Variants in RANBP2 observed in about 807,000 individuals in gnomAD.
RANBP2 encodes the protein RAN binding protein 2.
A neutral mutation model predicts 303.6 loss-of-function variants in RANBP2; 57 were observed. That is an observed-to-expected ratio of 0.19 (90% CI 0.15 to 0.23). RANBP2 has a LOEUF of 0.23. RANBP2 is among the 10% of genes least tolerant of loss of function. The probability of loss-of-function intolerance (pLI) is 1.00; values close to 1 mark genes in which losing one functional copy is unlikely to be tolerated. For missense variants in RANBP2, 3,138 were observed against 3,780.8 expected, an observed-to-expected ratio of 0.83 and a Z score of 4.46; for synonymous variants, 1,167 against 1,301.5, an observed-to-expected ratio of 0.90 and a Z score of 2.23.
chr2:109,320,881 A>G, the RANBP2 span, among the ~76,000 whole-genome samples: 1 of 152,300 alleles, frequency 6.6e-6, no homozygotes, highest in South Asian at 2.1e-4. Flanking sequence ...CTGCCCTACG[A>G]TACTCATCAC....
the RANBP2 span, among the ~76,000 whole-genome samples, chr2:109,429,298 C>G: frequency 2.6e-5 from 4 of 152,112 alleles, no homozygotes; most frequent in Non-Finnish European, 5.9e-5. Context: ...TTGGTGTCCC[C>G]TACGAGGCAC....
the RANBP2 span, chr2:109,545,161 C>A: frequency 1.0e-6 from 1 of 984,694 alleles, no homozygotes; most frequent in African/African-American, 1.7e-5. Flanking sequence ...GCATGCAACG[C>A]TGCTAGCACA....
chr2:109,701,587 A>G, the RANBP2 span, among the ~76,000 whole-genome samples: 1 of 152,106 alleles, frequency 6.6e-6, no homozygotes. Flanking sequence ...GCATTTTTAC[A>G]TAAACAATAG....
At chr2:108,893,894 A>G in the RANBP2 span, among the ~76,000 whole-genome samples, 5 of 152,302 alleles carry the variant, frequency 3.3e-5, no homozygotes, top group African/African-American at 4.8e-5. Context: ...TACCTCTTCA[A>G]AAACACGCAT....
the RANBP2 span, among the ~76,000 whole-genome samples, chr2:109,497,163 A>G: frequency 8.5e-5 from 13 of 152,226 alleles, no homozygotes; most frequent in African/African-American, 3.1e-4. Flanking sequence ...CATTCGTTAT[A>G]GCCATAAACA....
chr2:108,788,099 T>C (rs1558956468), downstream of RANBP2: 1 of 1,603,248 alleles, frequency 6.2e-7, no homozygotes, highest in South Asian at 1.1e-5. Flanking sequence ...GGTAAGCCGG[T>C]ATTTTGTATA....
chr2:109,613,409 G>A, the RANBP2 span: 4 of 324,776 alleles, frequency 1.2e-5, no homozygotes, highest in Non-Finnish European at 2.5e-5. Flanking sequence ...AGGGAGGCTC[G>A]GAAGTGCTCA....
the RANBP2 span, among the ~76,000 whole-genome samples, chr2:109,343,642 AG>A: frequency 6.6e-6 from 1 of 152,060 alleles, no homozygotes; most frequent in African/African-American, 2.4e-5. Flanking sequence ...CGAGCCCAGC[AG>A]GTGGGTTGGG....
the RANBP2 span, among the ~76,000 whole-genome samples, chr2:108,871,370 T>TAAAAAA: frequency 3.7e-4 from 28 of 76,586 alleles, no homozygotes; most frequent in South Asian, 9.0e-4. Flanking sequence ...CCAACTCTAT[T>TAAAAAA]AAAAAAAAAA....
the RANBP2 span, among the ~76,000 whole-genome samples, chr2:108,951,141 A>G: frequency 6.6e-6 from 1 of 152,216 alleles, no homozygotes; most frequent in African/African-American, 2.4e-5. Flanking sequence ...AGAGGATTCT[A>G]TGTAGCTTGA....
the RANBP2 span, among the ~76,000 whole-genome samples, chr2:109,061,447 G>T: frequency 6.6e-6 from 1 of 152,138 alleles, no homozygotes; most frequent in Non-Finnish European, 1.5e-5. Flanking sequence ...GTCTGTGTGT[G>T]CTTGCTTGGT....
the RANBP2 span, among the ~76,000 whole-genome samples, chr2:109,413,287 G>A: frequency 6.6e-6 from 1 of 152,116 alleles, no homozygotes; most frequent in East Asian, 1.9e-4. Flanking sequence ...GCTAATTTTT[G>A]TATTTTAGTA....
At chr2:109,123,653 T>C in the RANBP2 span, among the ~76,000 whole-genome samples, 1 of 152,184 alleles carries the variant, frequency 6.6e-6, no homozygotes, top group Non-Finnish European at 1.5e-5. Flanking sequence ...TGGTTACATA[T>C]TCCCTCTCTG....
chr2:109,100,971 C>T, the RANBP2 span, among the ~76,000 whole-genome samples: 1 of 152,188 alleles, frequency 6.6e-6, no homozygotes, highest in South Asian at 2.1e-4. Context: ...TCCAATGGTG[C>T]AATATCACGA....
the RANBP2 span, among the ~76,000 whole-genome samples, chr2:109,630,536 G>T: frequency 6.6e-6 from 1 of 152,172 alleles, no homozygotes; most frequent in Admixed American, 6.5e-5. Flanking sequence ...ACCCTTCCCT[G>T]ACTCCTGTCT....
At chr2:109,742,812 A>G in the RANBP2 span, among the ~76,000 whole-genome samples, 1 of 148,474 alleles carries the variant, frequency 6.7e-6, no homozygotes, top group Admixed American at 6.8e-5. Context: ...ACGCTAGAAC[A>G]ATCAGGACAA....
the RANBP2 span, among the ~76,000 whole-genome samples, chr2:109,621,342 G>A: frequency 4.0e-5 from 6 of 151,842 alleles, no homozygotes; most frequent in African/African-American, 9.7e-5. Flanking sequence ...TAATAGAGAC[G>A]GGGTTTCACC....
At chr2:109,287,148 TAA>T in the RANBP2 span, among the ~76,000 whole-genome samples, 1 of 152,184 alleles carries the variant, frequency 6.6e-6, no homozygotes, top group Non-Finnish European at 1.5e-5. Context: ...TGTCCAGAGA[TAA>T]AAAAGACCCA....
chr2:109,620,108 T>A, the RANBP2 span, among the ~76,000 whole-genome samples: 98 of 152,356 alleles, frequency 6.4e-4, no homozygotes, highest in African/African-American at 2.3e-3. Context: ...TGGTAAGGAA[T>A]GTGTGACAAA....
Sources: gnomAD v4.1 joint callset for allele counts (sites outside exome capture counted in the v4.1 genomes callset) on GRCh38, gnomAD v4.1.1 for gene constraint, MANE v1.5 for transcripts, NCBI Gene and HGNC (gene_info 2026-07-23, HGNC 2026-07-21) for gene names.